Variants in CALN1 observed in about 807,000 individuals in gnomAD.
The protein encoded by CALN1 is calneuron 1.
In CALN1, 17 loss-of-function variants were observed where a neutral mutation model predicts 30.6. The observed-to-expected ratio is 0.56, with a 90% confidence interval of 0.38 to 0.83. The LOEUF (loss-of-function observed/expected upper bound fraction) is 0.83, where lower values mean the gene tolerates loss of function less well. CALN1 is among the 40% of genes least tolerant of loss of function. CALN1 has a pLI of 0.00. For synonymous variants in CALN1, 156 were observed against 131.4 expected (o/e 1.19, Z -1.28); for missense variants, 291 against 354.9 (o/e 0.82, Z 1.45).
intron 2 of CALN1, among the ~76,000 whole-genome samples, chr7:72,360,387 T>C (rs75146626): frequency 6.6e-6 from 1 of 151,992 alleles, no homozygotes; most frequent in Non-Finnish European, 1.5e-5. Context: ...TATACGGCTG[T>C]TTTTGGTACT....
At chr7:71,936,001 CTGGGTGAAGTTGTGCAGAGCATT>C (rs1337555141) in intron 5 of CALN1, among the ~76,000 whole-genome samples, 1 of 152,066 alleles carries the variant, frequency 6.6e-6, no homozygotes, top group Non-Finnish European at 1.5e-5. Context: ...CCCAGGTGTC[CTGGGTGAAGTTGTGCAGAGCATT>C]TGGGATGTTC....
chr7:72,160,780 G>A (rs1252728772), intron 3 of CALN1, among the ~76,000 whole-genome samples: 1 of 152,128 alleles, frequency 6.6e-6, no homozygotes, highest in South Asian at 2.1e-4. Flanking sequence ...CTGAGGACTG[G>A]GAGGGGCACG....
chr7:72,287,639 G>C (rs926399280), intron 2 of CALN1, among the ~76,000 whole-genome samples: 32 of 151,850 alleles, frequency 2.1e-4, no homozygotes, highest in Admixed American at 4.6e-4. Flanking sequence ...GTAGAGATGG[G>C]GTTTCACCGT....
rs1402242503 is a variant in CALN1 at position 71,852,504 on chromosome 7, G to A, written c.502-42012C>T. Among the ~76,000 whole-genome samples, 3 of 148,552 alleles carry A rather than the reference G, an allele frequency of 2.0e-5. No homozygotes were observed. The Admixed American group carries it at 2.0e-4, about 10-fold the overall frequency. On this transcript the variant is annotated intron_variant, in intron 5 of 6. Coordinates refer to ENST00000395275, the MANE Select transcript of CALN1 (RefSeq NM_031468.4). ...AAAAAAAAAAAAAATCTTAGCTGAA[G>A]TGGGAGGATCCCTTGAGCTCAGGAG...
At position 72,249,108 on chromosome 7, in the gene CALN1, G is replaced by A. The variant is rs143032587; in HGVS notation, c.244+29578C>T. ...TTGTGCTAAAAGGCAACTAGACATC[G>A]CAGAGTTCTGACTGACCTGATTAGA... On this transcript the variant is annotated intron_variant, in intron 3 of 6. Transcript: ENST00000395275. Among the ~76,000 whole-genome samples, 21 of 152,248 alleles carry A rather than the reference G, an allele frequency of 1.4e-4. 1 individual carries two copies. In the East Asian group the frequency reaches 3.7e-3, roughly 27 times the overall value.
intron 3 of CALN1, among the ~76,000 whole-genome samples, chr7:72,229,835 G>T (rs1008405299): frequency 1.3e-4 from 20 of 151,798 alleles, no homozygotes; most frequent in Admixed American, 1.3e-3. Flanking sequence ...TAATGCATTT[G>T]CAGGGCTTAA....
chr7:72,364,064 T>TC (rs1554388585), intron 2 of CALN1, among the ~76,000 whole-genome samples: 25 of 148,798 alleles, frequency 1.7e-4, no homozygotes, highest in Non-Finnish European at 3.3e-4. Context: ...AAAATTGCAG[T>TC]AAAAAAAAAA....
At chr7:72,090,846 C>T (rs1365954702) in intron 4 of CALN1, among the ~76,000 whole-genome samples, 1 of 152,076 alleles carries the variant, frequency 6.6e-6, no homozygotes, top group Non-Finnish European at 1.5e-5. Context: ...ATCTCATGTT[C>T]TCACTGATCT....
intron 2 of CALN1, among the ~76,000 whole-genome samples, chr7:72,344,546 G>C (rs1802526992): frequency 6.8e-6 from 1 of 147,042 alleles, no homozygotes; most frequent in Non-Finnish European, 1.5e-5. Context: ...CAAGTATTGA[G>C]GGGATAAATA....
At chr7:72,024,695 G>T (rs763245362) in intron 4 of CALN1, among the ~76,000 whole-genome samples, 1 of 152,006 alleles carries the variant, frequency 6.6e-6, no homozygotes, top group South Asian at 2.1e-4. Flanking sequence ...CACCATGCCC[G>T]GCCTGAACAG....
chr7:72,503,543 CT>C, the CALN1 span, among the ~76,000 whole-genome samples: 2 of 152,162 alleles, frequency 1.3e-5, no homozygotes, highest in Non-Finnish European at 2.9e-5. Flanking sequence ...TCACTTTTCC[CT>C]TCTGCAAGCT....
chr7:72,477,080 G>A, the CALN1 span, among the ~76,000 whole-genome samples: 3 of 152,104 alleles, frequency 2.0e-5, no homozygotes, highest in African/African-American at 4.8e-5. Context: ...GCGTGGTGGC[G>A]CGCACTTGTA....
intron 2 of CALN1, among the ~76,000 whole-genome samples, chr7:72,297,141 G>T (rs1044926144): frequency 6.6e-6 from 1 of 151,966 alleles, no homozygotes; most frequent in Non-Finnish European, 1.5e-5. Flanking sequence ...TGTTCCCGTT[G>T]GTTTCAAAGA....
At chr7:71,952,267 C>T (rs1796730614) in intron 5 of CALN1, among the ~76,000 whole-genome samples, 1 of 152,184 alleles carries the variant, frequency 6.6e-6, no homozygotes, top group African/African-American at 2.4e-5. Flanking sequence ...TAGGGTCCTC[C>T]CATTCTTGGC....
intron 3 of CALN1, among the ~76,000 whole-genome samples, chr7:72,236,994 T>A (rs13235525): frequency 0.14 from 21,013 of 151,438 alleles, 1,894 homozygotes; most frequent in East Asian, 0.43. Context: ...TTTTATTTTT[T>A]TTTTTTTGAG....
chr7:72,278,257 T>C (rs1306340187), intron 3 of CALN1, among the ~76,000 whole-genome samples: 1 of 152,080 alleles, frequency 6.6e-6, no homozygotes, highest in Non-Finnish European at 1.5e-5. Context: ...CAAAGCACCA[T>C]GGCCAGAAGT....
intron 4 of CALN1, among the ~76,000 whole-genome samples, chr7:72,044,397 T>C (rs926059429): frequency 6.6e-6 from 1 of 151,956 alleles, no homozygotes; most frequent in Non-Finnish European, 1.5e-5. Flanking sequence ...AGATGGGGGA[T>C]GAGCAAGGCA....
chr7:72,203,269 G>A lies in CALN1; in HGVS notation c.244+75417C>T, dbSNP rs147125556. On this transcript the variant is annotated intron_variant, in intron 3 of 6. Coordinates refer to ENST00000395275, the MANE Select transcript of CALN1 (RefSeq NM_031468.4). ...TAAAATCTAGATCATGGGTTGATGA[G>A]TGCAGCAAACCACCATGGCATATGT... Among the ~76,000 whole-genome samples the A allele has an allele frequency of 3.7e-3, 561 of 152,182 alleles. 6 individuals are homozygous for A. The highest frequency in any genetic ancestry group is 0.011 in the African/African-American group (436 of 41,522).
At chr7:72,021,360 A>AGAAACGCCCAGGGGAGT (rs1349025508) in intron 5 of CALN1, among the ~76,000 whole-genome samples, 1 of 152,094 alleles carries the variant, frequency 6.6e-6, no homozygotes, top group Non-Finnish European at 1.5e-5. Flanking sequence ...CCCAGGGGAG[A>AGAAACGCCCAGGGGAGT]AGCAACTCGC....
Sources: gnomAD v4.1 joint callset for allele counts (sites outside exome capture counted in the v4.1 genomes callset) on GRCh38, gnomAD v4.1.1 for gene constraint, MANE v1.5 for transcripts, NCBI Gene and HGNC (gene_info 2026-07-23, HGNC 2026-07-21) for gene names.